WNT9B: variants seen among roughly 807,000 people sequenced by gnomAD.
WNT9B encodes the protein Wnt family member 9B.
Under a neutral mutation model 30.2 loss-of-function variants are expected in WNT9B, and 12 were observed. That is an observed-to-expected ratio of 0.40 (90% CI 0.26 to 0.64). WNT9B has a LOEUF of 0.64. Ranked by LOEUF, WNT9B falls within the 30% of genes least tolerant of loss-of-function variation. WNT9B has a pLI of 0.42. For missense variants in WNT9B, 442 were observed against 485.2 expected (o/e 0.91, Z 0.84); for synonymous variants, 218 against 216.9 (o/e 1.01, Z -0.05).
chr17:46,851,984 T>C lies in WNT9B; in HGVS notation c.77+269T>C, dbSNP rs2084855541. On this transcript the variant is annotated intron_variant, in intron 1 of 3. Coordinates refer to ENST00000290015, the MANE Select transcript of WNT9B (RefSeq NM_003396.3). This position sits in a 1 kb window ranked among gnomAD's most constrained non-coding sequence, Gnocchi z 4.3. ...CCGCCGCTCTCCTCATCCCGCCGGG[T>C]CTCGGACTCTGCGCACGCCTCGGAC... is the stretch of plus-strand genomic sequence containing the variant. Among the ~76,000 whole-genome samples the C allele has an allele frequency of 6.6e-6, 1 of 152,006 alleles. No homozygotes were observed. The highest frequency in any genetic ancestry group is 1.5e-5 in the Non-Finnish European group (1 of 67,998).
chr17:46,872,099 A>C (rs1008954590), intron 1 of WNT9B, among the ~76,000 whole-genome samples: 5 of 152,148 alleles, frequency 3.3e-5, no homozygotes, highest in Admixed American at 2.0e-4. Context: ...TACTCTGTGC[A>C]TTATTTCCCA....
At position 46,876,450 on chromosome 17, in the gene WNT9B, G is replaced by A; in HGVS notation, c.806G>A (p.Ser269Asn). 1 of 1,613,680 alleles carries A rather than the reference G, an allele frequency of 6.2e-7. No individual in the cohort carries two copies. Among genetic ancestry groups the A allele is most frequent in the South Asian group, 1.1e-5 (1 of 91,088 alleles). ...LELWAPARQG[S>N]LTKGLAPRSG... Reference sequence around the variant, plus strand: ...CTGTGGGCCCCTGCCAGGCAGGGCAGCCTCACCAAAGGCCTGGCCCCAAGG... The same window carrying A: ...CTGTGGGCCCCTGCCAGGCAGGGCAACCTCACCAAAGGCCTGGCCCCAAGG... The change falls in exon 4 of 4, where the codon AGC (serine) becomes AAC (asparagine). Residue 269 changes from serine (S) to asparagine (N), a missense_variant. Ser to Asn is a conservative substitution (Grantham distance 46, BLOSUM62 1). Transcript: ENST00000290015.
chr17:46,859,092 T>C (rs2084990157), intron 1 of WNT9B, among the ~76,000 whole-genome samples: 1 of 151,438 alleles, frequency 6.6e-6, no homozygotes, highest in Non-Finnish European at 1.5e-5. Flanking sequence ...TTCTTCTGAC[T>C]CAGCCTCCTG....
Position 46,875,126 on chromosome 17 carries a change from C to T in WNT9B, c.360C>T (p.Tyr120=), listed in dbSNP as rs370522474. The change falls in exon 3 of 4, where the codon TAC becomes TAT. Residue 120 remains tyrosine (Y), a synonymous_variant. Coordinates refer to ENST00000290015, the MANE Select transcript of WNT9B (RefSeq NM_003396.3). ...GCTTCAAAGAGACAGCTTTCCTGTA[C>T]GCGGTGTCCTCTGCCGCCCTCACCC... ...KRGFKETAFL[Y]AVSSAALTHT... is the part of the protein sequence containing the mutation. The T allele has an allele frequency of 4.0e-5, 65 of 1,613,792 alleles. No individual in the cohort carries two copies. Among genetic ancestry groups the T allele is most frequent in the Middle Eastern group, 3.3e-4 (2 of 6,084 alleles).
chr17:46,840,368 G>A (rs1455311282), intron 1 of WNT9B, among the ~76,000 whole-genome samples: 2 of 152,192 alleles, frequency 1.3e-5, no homozygotes, highest in East Asian at 1.9e-4. Flanking sequence ...TTACAGGCGC[G>A]AGCCACGGTG....
intron 1 of WNT9B, among the ~76,000 whole-genome samples, chr17:46,855,470 T>C (rs1239385561): frequency 6.6e-6 from 1 of 152,148 alleles, no homozygotes; most frequent in Non-Finnish European, 1.5e-5. Context: ...TTGTCCCTGA[T>C]CAAGTCACTC....
intron 1 of WNT9B, among the ~76,000 whole-genome samples, chr17:46,844,216 C>T (rs1046865000): frequency 3.9e-5 from 6 of 152,040 alleles, no homozygotes; most frequent in African/African-American, 1.4e-4. Context: ...CTCAGTCTCC[C>T]AGAATGCTAG....
At chr17:46,846,842 G>A (rs2084781153), upstream of WNT9B, among the ~76,000 whole-genome samples, 6 of 152,222 alleles carry the variant, frequency 3.9e-5, no homozygotes, top group Admixed American at 3.3e-4. Context: ...GTGCCATGGG[G>A]AGTGGTGAGC....
In WNT9B at chr17:46,851,922, G is replaced by T. The variant is rs1193488389; in HGVS notation, c.77+207G>T. 1.3e-5 allele frequency among the ~76,000 whole-genome samples: 2 copies of T among 152,084 alleles called. No individual in the cohort carries two copies. Among genetic ancestry groups the T allele is most frequent in the East Asian group, 3.9e-4 (2 of 5,194 alleles). On this transcript the variant is annotated intron_variant, in intron 1 of 3. Coordinates refer to ENST00000290015, the MANE Select transcript of WNT9B (RefSeq NM_003396.3). The surrounding 1 kb of genome is among the most constrained non-coding windows in gnomAD (Gnocchi z 4.3). Reference sequence around the variant, plus strand: ...CAGCTTCCCCGGCTCCGAATCCATCGCCCTGTTCAGTGTCCGAGTCTCTGG... The same window carrying T: ...CAGCTTCCCCGGCTCCGAATCCATCTCCCTGTTCAGTGTCCGAGTCTCTGG...
In WNT9B at chr17:46,872,719, C is replaced by T. The variant is rs775970973; in HGVS notation, c.280C>T (p.Arg94Trp). The T allele has an allele frequency of 1.8e-5, 29 of 1,597,860 alleles. No individual in the cohort carries two copies. Among genetic ancestry groups the T allele is most frequent in the East Asian group, 4.6e-5 (2 of 43,938 alleles). The change falls in exon 2 of 4, where the codon CGG becomes TGG. Residue 94 changes from arginine (R) to tryptophan (W), a missense_variant. By Grantham distance (101) the Arg-to-Trp change is moderately radical (BLOSUM62 -3). Transcript: ENST00000290015. ...CCTGCTTGAGTGCCAGTTTCAGTTC[C>T]GGCATGAGCGCTGGAACTGTAGCCT... ...LGLLECQFQF[R>W]HERWNCSLEG...
intron 1 of WNT9B, among the ~76,000 whole-genome samples, chr17:46,839,067 A>G (rs1290279854): frequency 6.4e-4 from 98 of 152,114 alleles, no homozygotes; most frequent in Non-Finnish European, 1.0e-3. Context: ...TAGTAGAGAC[A>G]GACTTTCACC....
intron 1 of WNT9B, among the ~76,000 whole-genome samples, chr17:46,866,770 C>T (rs1410594489): frequency 6.6e-6 from 1 of 152,120 alleles, no homozygotes; most frequent in Non-Finnish European, 1.5e-5. Context: ...CTAGAAACCA[C>T]CTGCCTTGTC....
chr17:46,872,476 T>C, intron 1 of WNT9B, 41 bp from the exon 2 acceptor site: 1 of 1,444,544 alleles, frequency 6.9e-7, no homozygotes, highest in Non-Finnish European at 9.1e-7. Context: ...CTCACCACCA[T>C]CCCCAAGGCT....
intron 1 of WNT9B, among the ~76,000 whole-genome samples, chr17:46,859,999 C>G (rs972318282): frequency 6.6e-6 from 1 of 151,804 alleles, no homozygotes; most frequent in Admixed American, 6.6e-5. Flanking sequence ...TGAATTGGGG[C>G]CTGAGAAAAA....
intron 1 of WNT9B, among the ~76,000 whole-genome samples, chr17:46,860,899 C>G (rs1481496005): frequency 6.6e-6 from 1 of 152,160 alleles, no homozygotes; most frequent in Non-Finnish European, 1.5e-5. Flanking sequence ...TGCTCTGTCA[C>G]CCAGACTAGA....
downstream of WNT9B, chr17:46,885,217 G>A: frequency 2.3e-5 from 7 of 307,396 alleles, no homozygotes; most frequent in South Asian, 1.7e-4. Flanking sequence ...TGTTGGTCAG[G>A]CTGGTCTCGA....
chr17:46,840,498 G>A (rs1464861854), intron 1 of WNT9B, among the ~76,000 whole-genome samples: 1 of 152,200 alleles, frequency 6.6e-6, no homozygotes, highest in African/African-American at 2.4e-5. Flanking sequence ...ATAGTAGCAT[G>A]ATTTATAATC....
At chr17:46,885,313 T>C (rs1194666983), downstream of WNT9B, 5 of 252,658 alleles carry the variant, frequency 2.0e-5, no homozygotes, top group African/African-American at 4.8e-5. Context: ...GCCAGCATTT[T>C]TTTTTTTGAG....
chr17:46,874,582 A>T (rs946240818), intron 2 of WNT9B, among the ~76,000 whole-genome samples: 64 of 152,094 alleles, frequency 4.2e-4, no homozygotes, highest in African/African-American at 1.2e-3. Context: ...TTTATAAATT[A>T]AAAAAATTTT....
Sources: allele counts gnomAD v4.1 joint callset (sites outside exome capture counted in the v4.1 genomes callset), GRCh38; gene constraint gnomAD v4.1.1; non-coding constraint Gnocchi (gnomAD v3.1); transcripts MANE v1.5; gene names NCBI Gene and HGNC (gene_info 2026-07-23, HGNC 2026-07-21).